GALNT17: variants seen among roughly 807,000 people sequenced by gnomAD.
The protein encoded by GALNT17 is polypeptide N-acetylgalactosaminyltransferase 17.
A neutral mutation model predicts 63.7 loss-of-function variants in GALNT17; 29 were observed. That is an observed-to-expected ratio of 0.46 (90% confidence interval 0.34 to 0.62). The LOEUF (loss-of-function observed/expected upper bound fraction) is 0.62, where lower values mean the gene tolerates loss of function less well. GALNT17 is among the 20% of genes least tolerant of loss of function. GALNT17 has a pLI of 0.01. For missense variants in GALNT17, 603 were observed against 799.6 expected, an observed-to-expected ratio of 0.75 and a Z score of 2.97; for synonymous variants, 305 against 318.3, an observed-to-expected ratio of 0.96 and a Z score of 0.45.
At chr7:71,217,549 G>T (rs55964790) in intron 1 of GALNT17, among the ~76,000 whole-genome samples, 46,109 of 150,746 alleles carry the variant, frequency 0.31, 8,331 homozygotes, top group South Asian at 0.52. Flanking sequence ...TCTTTTTTTT[G>T]TTGTTGTTCT....
chr7:71,292,666 A>AGT (rs748111147), intron 1 of GALNT17, among the ~76,000 whole-genome samples: 1,943 of 117,014 alleles, frequency 0.017, 15 homozygotes, highest in Non-Finnish European at 0.019. Flanking sequence ...AGAGAGAGAG[A>AGT]GAGTGTGTGT....
chr7:71,531,132 G>A (rs1224413228), intron 5 of GALNT17, among the ~76,000 whole-genome samples: 1 of 151,964 alleles, frequency 6.6e-6, no homozygotes, highest in African/African-American at 2.4e-5. Flanking sequence ...CATATAAAAA[G>A]TAGTACACGT....
intron 1 of GALNT17, among the ~76,000 whole-genome samples, chr7:71,201,239 T>TTA (rs576154248): frequency 7.9e-5 from 8 of 101,632 alleles, no homozygotes; most frequent in African/African-American, 2.3e-4. Context: ...GTGTGTTTAT[T>TTA]TTTATATATA....
intron 1 of GALNT17, among the ~76,000 whole-genome samples, chr7:71,166,442 C>T (rs2116269460): frequency 6.6e-6 from 1 of 152,290 alleles, no homozygotes; most frequent in East Asian, 1.9e-4. Context: ...TCCGCATGAT[C>T]AAGATAGTGA....
chr7:71,291,198 C>T lies in GALNT17; in HGVS notation c.239-44352C>T, dbSNP rs567501585. Among the ~76,000 whole-genome samples the T allele has an allele frequency of 6.0e-4, 92 of 152,270 alleles. 1 individual carries two copies. Among genetic ancestry groups the T allele is most frequent in the African/African-American group, 2.0e-3 (85 of 41,556 alleles). ...TAGCCAATTTCCCCAACACCTTTTA[C>T]GAAATAGCAGAGTCGTTAATTTGTA... On this transcript the variant is annotated intron_variant, in intron 1 of 10. Coordinates refer to ENST00000333538, the MANE Select transcript of GALNT17 (RefSeq NM_022479.3).
chr7:71,377,576 C>G (rs1375960509), intron 2 of GALNT17, among the ~76,000 whole-genome samples: 1 of 152,092 alleles, frequency 6.6e-6, no homozygotes, highest in Non-Finnish European at 1.5e-5. Flanking sequence ...TATGAATTCT[C>G]TCCCCAGCAA....
At chr7:71,207,480 A>G (rs1448163102) in intron 1 of GALNT17, among the ~76,000 whole-genome samples, 1 of 152,050 alleles carries the variant, frequency 6.6e-6, no homozygotes, top group Non-Finnish European at 1.5e-5. Context: ...AAGATACCGT[A>G]TTTCATTCTT....
At chr7:71,300,726 C>T (rs534760522) in intron 1 of GALNT17, 14 of 247,752 alleles carry the variant, frequency 5.7e-5, no homozygotes, top group East Asian at 1.3e-4. Context: ...ATTCTAAACA[C>T]GCCTCCCATC....
intron 1 of GALNT17, among the ~76,000 whole-genome samples, chr7:71,288,995 T>G (rs1354302031): frequency 6.6e-6 from 1 of 152,210 alleles, no homozygotes; most frequent in Non-Finnish European, 1.5e-5. Flanking sequence ...TGAGGTCTGG[T>G]GACGACAGGT....
chr7:71,492,235 C>A (rs112358312), intron 5 of GALNT17, among the ~76,000 whole-genome samples: 2 of 152,192 alleles, frequency 1.3e-5, no homozygotes, highest in East Asian at 3.9e-4. Flanking sequence ...GCCGAGATCA[C>A]GCCACTGCCC....
chr7:71,263,051 T>C (rs1790414452), intron 1 of GALNT17, among the ~76,000 whole-genome samples: 1 of 151,842 alleles, frequency 6.6e-6, no homozygotes, highest in Non-Finnish European at 1.5e-5. Context: ...CCATATGAGG[T>C]TGCACAAGGA....
rs1300709871 is a variant in GALNT17 at position 71,132,421 on chromosome 7, C to G, written c.-382C>G. ...GCTCCCTCTGTGCCTCCCGGGCAGCCCCGCCTGCCGGCCTCGGAGTCCGCG... is the reference window on the plus strand; with the variant it reads ...GCTCCCTCTGTGCCTCCCGGGCAGCGCCGCCTGCCGGCCTCGGAGTCCGCG... On this transcript the variant is annotated 5_prime_UTR_variant, in exon 1 of 11. Coordinates refer to ENST00000333538, the MANE Select transcript of GALNT17 (RefSeq NM_022479.3). 1 of 161,886 alleles carries G rather than the reference C, an allele frequency of 6.2e-6. No individual in the cohort carries two copies. Among genetic ancestry groups the G allele is most frequent in the Non-Finnish European group, 1.3e-5 (1 of 74,990 alleles). The allele number at this position is 161,886 out of a possible 1,614,324, so 10.0% of individuals were successfully genotyped here. A position where few individuals can be genotyped will look rare whatever the true frequency, so the allele number is the denominator to read the frequency against.
chr7:71,369,316 G>C (rs1043783143), intron 2 of GALNT17, among the ~76,000 whole-genome samples: 8 of 152,188 alleles, frequency 5.3e-5, no homozygotes, highest in Non-Finnish European at 8.8e-5. Context: ...CAAAGGGTAA[G>C]AGTCAGGAAC....
chr7:71,549,642 A>G (rs1789041805), intron 5 of GALNT17, among the ~76,000 whole-genome samples: 1 of 152,186 alleles, frequency 6.6e-6, no homozygotes, highest in East Asian at 1.9e-4. Context: ...TGTAAGTTTC[A>G]TTATACCGAA....
intron 5 of GALNT17, 118 bp from the exon 6 acceptor site, chr7:71,571,167 A>C (rs1789435764): frequency 1.3e-6 from 1 of 773,348 alleles, no homozygotes; most frequent in Non-Finnish European, 2.2e-6. Context: ...AACCCAGTAC[A>C]TGCTAGGCTG....
At chr7:71,438,693 C>A (rs545221813) in intron 5 of GALNT17, among the ~76,000 whole-genome samples, 24 of 152,248 alleles carry the variant, frequency 1.6e-4, no homozygotes, top group Non-Finnish European at 3.1e-4. Flanking sequence ...AACAGCTGTT[C>A]TTGCTATCAA....
chr7:71,593,039 C>T (rs1789832814), intron 6 of GALNT17, among the ~76,000 whole-genome samples: 1 of 151,910 alleles, frequency 6.6e-6, no homozygotes, highest in Non-Finnish European at 1.5e-5. Context: ...GTCCCAGCAA[C>T]TCAGGAGGCT....
chr7:71,330,127 C>T (rs1450490336), intron 1 of GALNT17, among the ~76,000 whole-genome samples: 2 of 151,872 alleles, frequency 1.3e-5, no homozygotes, highest in East Asian at 3.9e-4. Context: ...ATTCTCCTGC[C>T]TCAACCTCAC....
intron 1 of GALNT17, among the ~76,000 whole-genome samples, chr7:71,180,330 C>T (rs1788713715): frequency 1.3e-5 from 2 of 151,964 alleles, no homozygotes; most frequent in Non-Finnish European, 1.5e-5. Context: ...TTCACTCCCA[C>T]CCAGGCTGTT....
Sources: allele counts gnomAD v4.1 joint callset (sites outside exome capture counted in the v4.1 genomes callset), GRCh38; gene constraint gnomAD v4.1.1; transcripts MANE v1.5; gene names NCBI Gene and HGNC (gene_info 2026-07-23, HGNC 2026-07-21).